EML6: variants seen among roughly 807,000 people sequenced by gnomAD.
EML6 encodes the protein echinoderm microtubule-associated protein-like 6.
Under a neutral mutation model 240.1 loss-of-function variants are expected in EML6, and 154 were observed. The observed-to-expected ratio is 0.64, with a 90% CI of 0.56 to 0.73. The LOEUF (loss-of-function observed/expected upper bound fraction) is 0.73. Ranked by LOEUF, EML6 falls within the 30% of genes least tolerant of loss-of-function variation. The probability of loss-of-function intolerance (pLI) is 0.00; values close to 1 mark genes in which losing one functional copy is unlikely to be tolerated. For synonymous variants in EML6, 1,148 were observed against 899.0 expected, an observed-to-expected ratio of 1.28 and a Z score of -4.95; for missense variants, 2,964 against 2,474.6, an observed-to-expected ratio of 1.20 and a Z score of -4.20.
chr2:54,725,312 G>A lies in EML6; in HGVS notation c.197+54G>A. 7.6e-7 allele frequency: 1 copy of A among 1,318,494 alleles called. No individual in the cohort carries two copies. Among genetic ancestry groups the A allele is most frequent in the Non-Finnish European group, 1.0e-6 (1 of 1,002,010 alleles). The allele number at this position is 1,318,494 out of a possible 1,614,324, so 81.7% of individuals were successfully genotyped here. A position where few individuals can be genotyped will look rare whatever the true frequency, so the allele number is the denominator to read the frequency against. ...GGGGTTGCGTGTGGAGGCTGGGAAG[G>A]TGGGAAGCGGTTGACCTGGGGTCGG... On this transcript the variant is annotated intron_variant, in intron 2 of 41. Coordinates refer to ENST00000356458, the MANE Select transcript of EML6 (RefSeq NM_001039753.4). The surrounding 1 kb of genome is among the most constrained non-coding windows in gnomAD (Gnocchi z 4.3).
Position 54,743,712 on chromosome 2 carries a change from T to C in EML6, c.197+18454T>C, listed in dbSNP as rs572787381. On this transcript the variant is annotated intron_variant, in intron 2 of 41. Coordinates refer to ENST00000356458, the MANE Select transcript of EML6 (RefSeq NM_001039753.4). Reference sequence around the variant, plus strand: ...GTATACCTCTCTTGGTAAAATACTCTTGTGCAACTCCCACTATAGGAATAT... The same window carrying C: ...GTATACCTCTCTTGGTAAAATACTCCTGTGCAACTCCCACTATAGGAATAT... Among the ~76,000 whole-genome samples, 13 of 152,352 alleles carry C rather than the reference T, an allele frequency of 8.5e-5. No individual in the cohort carries two copies. The South Asian group carries it at 2.7e-3, about 32-fold the overall frequency.
At chr2:54,844,000 G>GTGTGTGTA (rs1431369392) in intron 7 of EML6, 47 bp from the exon 8 acceptor site, 1 of 1,181,322 alleles carries the variant, frequency 8.5e-7, no homozygotes, top group Non-Finnish European at 1.2e-6. Context: ...GTGTGTGTGT[G>GTGTGTGTA]TGTGAATAGT....
At chr2:54,860,296 GTC>G (rs953897831) in intron 12 of EML6, among the ~76,000 whole-genome samples, 47 of 152,266 alleles carry the variant, frequency 3.1e-4, no homozygotes, top group African/African-American at 1.1e-3. Context: ...ACATTTGGGA[GTC>G]TCTAGACCAT....
intron 5 of EML6, among the ~76,000 whole-genome samples, chr2:54,823,850 T>TCTCTCTCTCTCTCTCTC (rs1553387708): frequency 8.3e-5 from 6 of 72,258 alleles, no homozygotes; most frequent in South Asian, 4.7e-4. Context: ...CATTCATTCA[T>TCTCTCTCTCTCTCTCTC]TCTCTCTCTC....
In EML6 at chr2:54,786,018, G is replaced by A. The variant is rs976565877; in HGVS notation, c.198-27214G>A. Among the ~76,000 whole-genome samples, 3 of 152,076 alleles carry A rather than the reference G, an allele frequency of 2.0e-5. No individual in the cohort carries two copies. In the South Asian group the frequency reaches 6.2e-4, roughly 32 times the overall value. On this transcript the variant is annotated intron_variant, in intron 2 of 41. Coordinates refer to ENST00000356458, the MANE Select transcript of EML6 (RefSeq NM_001039753.4). ...AGGAGGAAGTGGAGTGGCTACCCAG[G>A]GTGTTGGGGTAAAGGAGCTAGAGGT...
At chr2:54,850,578 GA>G (rs34233616) in intron 10 of EML6, among the ~76,000 whole-genome samples, 2 of 150,328 alleles carry the variant, frequency 1.3e-5, no homozygotes, top group African/African-American at 4.9e-5. Flanking sequence ...TAAGAGCAAG[GA>G]AAAAAAAACA....
chr2:54,968,368 G>A, intron 40 of EML6, 87 bp downstream of exon 40: 1 of 1,248,402 alleles, frequency 8.0e-7, no homozygotes, highest in East Asian at 2.5e-5. Flanking sequence ...GGCCCTCTGG[G>A]AGACACAGAG....
chr2:54,875,025 G>A (rs980156322), intron 16 of EML6, among the ~76,000 whole-genome samples: 3 of 152,102 alleles, frequency 2.0e-5, no homozygotes, highest in African/African-American at 4.8e-5. Flanking sequence ...TCCCTTTGCC[G>A]ATGCTAGTGT....
Position 54,892,901 on chromosome 2 carries a change from C to T in EML6, c.2742+245C>T, listed in dbSNP as rs147570495. On this transcript the variant is annotated intron_variant, in intron 19 of 41. Coordinates refer to ENST00000356458, the MANE Select transcript of EML6 (RefSeq NM_001039753.4). The stretch of plus-strand genomic sequence containing the variant: ...TTCCACACATGCTCTTCCTGGCGCC[C>T]ACTCATGAGAGTCCCTTAAGAAGTG... Among the ~76,000 whole-genome samples the T allele has an allele frequency of 1.5e-3, 225 of 152,300 alleles. 1 individual carries two copies. The highest frequency in any genetic ancestry group is 4.8e-3 in the African/African-American group (201 of 41,546).
chr2:54,874,532 T>C (rs374536854), intron 16 of EML6, among the ~76,000 whole-genome samples: 1 of 152,208 alleles, frequency 6.6e-6, no homozygotes, highest in Non-Finnish European at 1.5e-5. Flanking sequence ...TGTTTTTGCT[T>C]ATGGAAATTC....
At chr2:54,936,119 A>G (rs1675121935) in intron 28 of EML6, among the ~76,000 whole-genome samples, 4 of 152,186 alleles carry the variant, frequency 2.6e-5, no homozygotes, top group Non-Finnish European at 5.9e-5. Context: ...GAAATTAGAA[A>G]CTTATAACTA....
intron 2 of EML6, among the ~76,000 whole-genome samples, chr2:54,746,063 TC>T (rs1683898668): frequency 6.6e-6 from 1 of 152,158 alleles, no homozygotes; most frequent in Non-Finnish European, 1.5e-5. Context: ...GGATTGAGAC[TC>T]AAAAGAGGTT....
chr2:54,942,080 A>AC (rs1361317608), intron 28 of EML6, among the ~76,000 whole-genome samples: 1 of 152,096 alleles, frequency 6.6e-6, no homozygotes, highest in African/African-American at 2.4e-5. Context: ...CTTTATTCAA[A>AC]CCCCTTGATT....
intron 17 of EML6, among the ~76,000 whole-genome samples, chr2:54,884,668 A>G (rs910682079): frequency 6.6e-6 from 1 of 152,250 alleles, no homozygotes; most frequent in Admixed American, 6.5e-5. Flanking sequence ...GTATTTTGTA[A>G]TATCACAATG....
chr2:54,873,679 T>C (rs955629062), intron 16 of EML6, among the ~76,000 whole-genome samples: 2 of 146,714 alleles, frequency 1.4e-5, no homozygotes, highest in African/African-American at 5.1e-5. Flanking sequence ...GACAAATATA[T>C]GTATACTTAA....
intron 3 of EML6, among the ~76,000 whole-genome samples, chr2:54,814,160 A>T (rs1385558399): frequency 6.6e-6 from 1 of 152,164 alleles, no homozygotes; most frequent in African/African-American, 2.4e-5. Flanking sequence ...ACTTTTCTAG[A>T]CTTTTATCCG....
intron 12 of EML6, 43 bp downstream of exon 12, chr2:54,859,744 T>C (rs1265210508): frequency 6.8e-7 from 1 of 1,481,354 alleles, no homozygotes; most frequent in Non-Finnish European, 9.0e-7. Flanking sequence ...TATTTTTCAA[T>C]AGGCATTTCA....
intron 22 of EML6, among the ~76,000 whole-genome samples, chr2:54,902,466 C>T (rs1411342607): frequency 1.3e-5 from 2 of 152,200 alleles, no homozygotes; most frequent in South Asian, 4.1e-4. Flanking sequence ...ATGGCATGAT[C>T]ACTGCTCACT....
chr2:54,921,628 C>G (rs1674259172), intron 26 of EML6, among the ~76,000 whole-genome samples: 1 of 151,908 alleles, frequency 6.6e-6, no homozygotes, highest in Non-Finnish European at 1.5e-5. Context: ...CCAAAGCAAT[C>G]CCAAGAAAGA....
Sources: allele counts gnomAD v4.1 joint callset (sites outside exome capture counted in the v4.1 genomes callset), GRCh38; gene constraint gnomAD v4.1.1; non-coding constraint Gnocchi (gnomAD v3.1); transcripts MANE v1.5; gene names NCBI Gene and HGNC (gene_info 2026-07-23, HGNC 2026-07-21).